Variants in SLC4A8 observed in about 807,000 individuals in gnomAD.
SLC4A8 encodes solute carrier family 4 member 8.
In SLC4A8, 40 loss-of-function variants were observed where a neutral mutation model predicts 125.0. That is an observed-to-expected ratio of 0.32 (90% CI 0.25 to 0.42). The LOEUF (loss-of-function observed/expected upper bound fraction) is 0.42. Ranked by LOEUF, SLC4A8 falls within the 10% of genes least tolerant of loss-of-function variation. The pLI is 1.00. For missense variants in SLC4A8, 863 were observed against 1,355.1 expected (o/e 0.64, Z 5.70); for synonymous variants, 456 against 476.0 (o/e 0.96, Z 0.55).
chr12:51,494,874 A>G (rs1313371464), intron 20 of SLC4A8, 71 bp from the exon 21 acceptor site: 44 of 1,232,672 alleles, frequency 3.6e-5, no homozygotes, highest in Non-Finnish European at 4.9e-5. Flanking sequence ...TGTAAGAGAT[A>G]TGAATTGGTC....
chr12:51,438,336 G>A (rs1949486543), intron 1 of SLC4A8, among the ~76,000 whole-genome samples: 1 of 152,072 alleles, frequency 6.6e-6, no homozygotes, highest in African/African-American at 2.4e-5. Context: ...ACTTCTCTGA[G>A]ATCAACTTTT....
chr12:51,402,865 G>GT (rs1948418223), intron 1 of SLC4A8, among the ~76,000 whole-genome samples: 3 of 152,330 alleles, frequency 2.0e-5, no homozygotes, highest in Middle Eastern at 3.4e-3. Flanking sequence ...TTCTGGGGGT[G>GT]CTTGTCACTT....
At chr12:51,474,197 A>G (rs897775424) in intron 14 of SLC4A8, 145 bp from the exon 15 acceptor site, 2 of 517,430 alleles carry the variant, frequency 3.9e-6, no homozygotes, top group South Asian at 3.6e-5. Flanking sequence ...GATGGGGCCT[A>G]CAGAGGGGCC....
rs1002172665 is a variant in SLC4A8 at position 51,450,809 on chromosome 12, G to A, written c.131-67G>A. 9.0e-6 allele frequency: 14 copies of A among 1,554,890 alleles called. No homozygotes were observed. In the African/African-American group the frequency reaches 1.6e-4, roughly 18 times the overall value. Reference sequence around the variant, plus strand: ...TATTTTTTTCTCTTAACTATGCTAGGCTTTTTGTTGTTGTTGTTTTTTAAA... The same window carrying A: ...TATTTTTTTCTCTTAACTATGCTAGACTTTTTGTTGTTGTTGTTTTTTAAA... On this transcript the variant is annotated intron_variant, in intron 2 of 24. Coordinates refer to ENST00000453097, the MANE Select transcript of SLC4A8 (RefSeq NM_001039960.3).
At chr12:51,411,687 A>G (rs1170830820) in intron 1 of SLC4A8, among the ~76,000 whole-genome samples, 1 of 151,936 alleles carries the variant, frequency 6.6e-6, no homozygotes, top group African/African-American at 2.4e-5. Flanking sequence ...ATATTTATGT[A>G]TGTAATTATT....
At chr12:51,489,996 T>C in intron 19 of SLC4A8, 45 bp downstream of exon 19, 1 of 1,588,854 alleles carries the variant, frequency 6.3e-7, no homozygotes, top group Non-Finnish European at 8.6e-7. Flanking sequence ...GGGCCTGATT[T>C]GTGCCAGGAA....
rs1430499749 is a variant in SLC4A8, at chr12:51,483,862, A to G, written c.2173-1925A>G. Among the ~76,000 whole-genome samples the G allele has an allele frequency of 5.3e-5, 8 of 152,172 alleles. No individual in the cohort carries two copies. In the East Asian group the frequency reaches 7.7e-4, roughly 15 times the overall value. ...CATTACCTCATCATTTACATTAGGTATATCTCCTAATGTTATCCCTCCCTG... is the reference window on the plus strand; with the variant it reads ...CATTACCTCATCATTTACATTAGGTGTATCTCCTAATGTTATCCCTCCCTG... On this transcript the variant is annotated intron_variant, in intron 16 of 24. Coordinates refer to ENST00000453097, the MANE Select transcript of SLC4A8 (RefSeq NM_001039960.3).
chr12:51,480,078 C>G, intron 16 of SLC4A8: 3 of 367,248 alleles, frequency 8.2e-6, no homozygotes, highest in South Asian at 6.1e-5. Context: ...GTAGCTGGGA[C>G]TACAGGCACG....
intron 17 of SLC4A8, among the ~76,000 whole-genome samples, chr12:51,487,262 C>T (rs1413829765): frequency 2.0e-5 from 3 of 152,172 alleles, no homozygotes; most frequent in Non-Finnish European, 4.4e-5. Context: ...TGGCACTCAA[C>T]TCCCAAGACC....
chr12:51,394,236 G>T (rs750048242), intron 1 of SLC4A8, among the ~76,000 whole-genome samples: 2 of 152,242 alleles, frequency 1.3e-5, no homozygotes, highest in Admixed American at 6.5e-5. Flanking sequence ...AGCAGTCTGC[G>T]TTGTGTGTTT....
chr12:51,493,435 C>T (rs1293783684), intron 19 of SLC4A8, among the ~76,000 whole-genome samples: 1 of 151,618 alleles, frequency 6.6e-6, no homozygotes, highest in Non-Finnish European at 1.5e-5. Context: ...TGTGCCCATC[C>T]CCATGGAGGA....
rs763980383 is a variant in SLC4A8, at chr12:51,450,991, G to C, written c.246G>C (p.Gln82His). Reference sequence around the variant, plus strand: ...GAGGGCGGGGCAAAGGAGCCAGCCAGGGGGAGGAAGGCCTGGAAGCCCTGG... The same window carrying C: ...GAGGGCGGGGCAAAGGAGCCAGCCACGGGGAGGAAGGCCTGGAAGCCCTGG... Reference protein sequence around the residue: ...RRRGRGKGASQGEEGLEALAH... With the variant: ...RRRGRGKGASHGEEGLEALAH... The change falls in exon 3 of 25, where the codon CAG (glutamine) becomes CAC (histidine). Residue 82 changes from glutamine (Q) to histidine (H), a missense_variant. Physicochemically the swap from Gln to His is conservative, Grantham distance 24. Transcript: ENST00000453097. 6 of 1,557,352 alleles carry C rather than the reference G, an allele frequency of 3.9e-6. No individual in the cohort carries two copies. The highest frequency in any genetic ancestry group is 1.2e-5 in the South Asian group (1 of 84,674).
chr12:51,444,264 CTGTT>C (rs758768631), intron 2 of SLC4A8, among the ~76,000 whole-genome samples: 3 of 152,124 alleles, frequency 2.0e-5, no homozygotes, highest in Non-Finnish European at 4.4e-5. Context: ...TTCCTAGTGT[CTGTT>C]TGTCATCTTT....
intron 1 of SLC4A8, among the ~76,000 whole-genome samples, chr12:51,437,547 C>G (rs910286562): frequency 6.6e-6 from 1 of 152,108 alleles, no homozygotes; most frequent in Non-Finnish European, 1.5e-5. Flanking sequence ...ATATTATACA[C>G]CAGCTTCCCT....
At chr12:51,432,646 C>T (rs532770724) in intron 1 of SLC4A8, among the ~76,000 whole-genome samples, 12 of 151,982 alleles carry the variant, frequency 7.9e-5, no homozygotes, top group African/African-American at 2.9e-4. Context: ...TTGTTTGAAC[C>T]CAGGAGACAG....
At chr12:51,441,245 C>T (rs1416455408) in intron 2 of SLC4A8, 1 of 973,646 alleles carries the variant, frequency 1.0e-6, no homozygotes, top group South Asian at 4.8e-5. Flanking sequence ...TATTTATACC[C>T]ATTTCTGCCT....
intron 18 of SLC4A8, among the ~76,000 whole-genome samples, chr12:51,489,487 ATAT>A (rs1451198541): frequency 6.6e-6 from 1 of 152,142 alleles, no homozygotes; most frequent in Non-Finnish European, 1.5e-5. Context: ...AAAATAATCA[ATAT>A]TGGCATATAT....
intron 19 of SLC4A8, among the ~76,000 whole-genome samples, chr12:51,490,265 T>A (rs1336183076): frequency 6.6e-6 from 1 of 151,966 alleles, no homozygotes; most frequent in African/African-American, 2.4e-5. Flanking sequence ...CTATTTAAGA[T>A]GAGGTGGAGG....
chr12:51,459,465 A>G (rs1353184786), intron 7 of SLC4A8, among the ~76,000 whole-genome samples: 1 of 151,094 alleles, frequency 6.6e-6, no homozygotes, highest in African/African-American at 2.4e-5. Context: ...TTTTTTCTTT[A>G]AGTGGGACGA....
Sources: gnomAD v4.1 joint callset for allele counts (sites outside exome capture counted in the v4.1 genomes callset) on GRCh38, gnomAD v4.1.1 for gene constraint, MANE v1.5 for transcripts, NCBI Gene and HGNC (gene_info 2026-07-23, HGNC 2026-07-21) for gene names.